The following VPS50 variants were observed in gnomAD, a reference collection of about 807,000 sequenced individuals.
VPS50 encodes the protein syndetin.
Under a neutral mutation model 139.7 loss-of-function variants are expected in VPS50, and 70 were observed. The ratio of observed to expected loss-of-function variants is 0.50; its 90% CI spans 0.41 to 0.61. VPS50 has a LOEUF of 0.61. Among genes scored for constraint, VPS50 ranks in the 20% least tolerant of loss-of-function variants. VPS50 has a pLI of 0.00. For missense variants in VPS50, 921 were observed against 1,133.7 expected (o/e 0.81, Z 2.69); for synonymous variants, 365 against 376.7 (o/e 0.97, Z 0.36).
rs368554612 is a variant in VPS50 at position 93,347,889 on chromosome 7, A to G, written c.2208-822A>G. The stretch of plus-strand genomic sequence containing the variant: ...ATACCTAATGCTAGATGACGAGTTA[A>G]TGGGTGCAGCGCACCAGCATGGCAC... On this transcript the variant is annotated intron_variant, in intron 23 of 27. Transcript: ENST00000305866. 4.6e-5 allele frequency among the ~76,000 whole-genome samples: 7 copies of G among 151,310 alleles called. No individual in the cohort carries two copies. In the East Asian group the frequency reaches 9.9e-4, roughly 21 times the overall value.
chr7:93,343,638 G>A (rs1221899821), intron 23 of VPS50, among the ~76,000 whole-genome samples: 2 of 152,168 alleles, frequency 1.3e-5, no homozygotes, highest in African/African-American at 2.4e-5. Context: ...AGATCTCTCG[G>A]CAGAAACTCT....
intron 24 of VPS50, among the ~76,000 whole-genome samples, chr7:93,349,301 A>G (rs1798492455): frequency 6.6e-6 from 1 of 152,100 alleles, no homozygotes; most frequent in African/African-American, 2.4e-5. Context: ...AGTTGGGAGG[A>G]GGTCTGGGGA....
At chr7:93,274,649 T>A (rs1304450451) in intron 11 of VPS50, among the ~76,000 whole-genome samples, 1 of 152,194 alleles carries the variant, frequency 6.6e-6, no homozygotes, top group Non-Finnish European at 1.5e-5. Flanking sequence ...TCATGCCTGA[T>A]AACAGTCATT....
chr7:93,251,602 C>T (rs758101640), intron 2 of VPS50, among the ~76,000 whole-genome samples: 2 of 152,036 alleles, frequency 1.3e-5, no homozygotes, highest in Non-Finnish European at 2.9e-5. Context: ...ACCACGATGG[C>T]ATGTGTATAC....
At chr7:93,299,550 T>C (rs1796915165) in intron 16 of VPS50, among the ~76,000 whole-genome samples, 1 of 152,186 alleles carries the variant, frequency 6.6e-6, no homozygotes, top group Non-Finnish European at 1.5e-5. Context: ...TGAACCAAAT[T>C]ATTCTGACTT....
chr7:93,255,777 T>C (rs977145583), intron 4 of VPS50, among the ~76,000 whole-genome samples: 3 of 152,206 alleles, frequency 2.0e-5, no homozygotes, highest in Admixed American at 1.3e-4. Context: ...GGGTGTTCAA[T>C]GTTTTGTTCT....
At chr7:93,303,380 A>G (rs1259361014) in intron 16 of VPS50, 80 bp from the exon 17 acceptor site, 2 of 583,734 alleles carry the variant, frequency 3.4e-6, no homozygotes, top group Admixed American at 2.5e-5. Context: ...AATTATTTGT[A>G]TTGTACATTA....
chr7:93,263,678 T>C (rs1426439862), intron 9 of VPS50, among the ~76,000 whole-genome samples: 1 of 152,142 alleles, frequency 6.6e-6, no homozygotes, highest in East Asian at 1.9e-4. Context: ...GGAAAAACAA[T>C]TTACATATTT....
rs1373718044 is a variant in VPS50 at position 93,334,370 on chromosome 7, C to A, written c.2058+173C>A. On this transcript the variant is annotated intron_variant, in intron 22 of 27. Transcript: ENST00000305866. ...TGCTTATAGTCTGATCAGAGAGAAA[C>A]TAGTATACATAAAAGAATATGATAT... 2.0e-5 allele frequency among the ~76,000 whole-genome samples: 3 copies of A among 152,092 alleles called. No individual in the cohort carries two copies. In the East Asian group the frequency reaches 5.8e-4, roughly 29 times the overall value.
intron 2 of VPS50, chr7:93,246,276 T>A: frequency 1.6e-6 from 1 of 641,728 alleles, no homozygotes; most frequent in Non-Finnish European, 2.8e-6. Flanking sequence ...TCCACTTTCC[T>A]TCTCAACACA....
chr7:93,252,646 C>A lies in VPS50; in HGVS notation c.103-7C>A. ...ATTACTATAATTGTGATTTTTTTTT[C>A]TTAAAGGAAGAATTCAGGGAACTTC... On this transcript the variant is annotated splice_polypyrimidine_tract_variant and splice_region_variant and intron_variant, in intron 2 of 27. Coordinates refer to ENST00000305866, the MANE Select transcript of VPS50 (RefSeq NM_017667.4). 1 of 1,565,480 alleles carries A rather than the reference C, an allele frequency of 6.4e-7. No homozygotes were observed. The highest frequency in any genetic ancestry group is 8.7e-7 in the Non-Finnish European group (1 of 1,151,862).
chr7:93,252,550 G>A (rs553320106), intron 2 of VPS50, 103 bp from the exon 3 acceptor site: 19 of 781,812 alleles, frequency 2.4e-5, no homozygotes, highest in African/African-American at 1.3e-4. Flanking sequence ...GGTCAGAATC[G>A]TTCCAGGTAG....
At chr7:93,344,916 C>G (rs1455041006) in intron 23 of VPS50, among the ~76,000 whole-genome samples, 30 of 151,848 alleles carry the variant, frequency 2.0e-4, no homozygotes, top group African/African-American at 5.3e-4. Context: ...ACAATTAAAA[C>G]AACTAGAAAA....
chr7:93,346,475 T>C (rs1231395178), intron 23 of VPS50, among the ~76,000 whole-genome samples: 1 of 152,208 alleles, frequency 6.6e-6, no homozygotes, highest in Non-Finnish European at 1.5e-5. Context: ...AAAAAGCTAC[T>C]TTAAAGTTCA....
intron 12 of VPS50, among the ~76,000 whole-genome samples, chr7:93,287,851 C>T (rs935641660): frequency 5.9e-5 from 9 of 151,966 alleles, no homozygotes; most frequent in Admixed American, 3.3e-4. Context: ...TATTGGCTTT[C>T]GTCATATGTG....
At chr7:93,274,236 G>A (rs766448856) in intron 11 of VPS50, among the ~76,000 whole-genome samples, 8 of 151,988 alleles carry the variant, frequency 5.3e-5, no homozygotes, top group Non-Finnish European at 1.0e-4. Context: ...CAGTGTACAC[G>A]GAACAGCCTT....
chr7:93,344,410 T>C (rs1274260012), intron 23 of VPS50, among the ~76,000 whole-genome samples: 4 of 152,036 alleles, frequency 2.6e-5, no homozygotes, highest in African/African-American at 9.7e-5. Context: ...CTGTCAACAT[T>C]AGACAGATCA....
At chr7:93,247,968 G>A (rs1017703982) in intron 2 of VPS50, among the ~76,000 whole-genome samples, 9 of 151,554 alleles carry the variant, frequency 5.9e-5, no homozygotes, top group African/African-American at 2.2e-4. Context: ...AATACTTTTT[G>A]CTTAGTTGAT....
intron 23 of VPS50, among the ~76,000 whole-genome samples, chr7:93,346,111 A>G (rs144455130): frequency 0.013 from 2,016 of 152,358 alleles, 23 homozygotes; most frequent in Middle Eastern, 0.02. Flanking sequence ...CCTTAAGCTG[A>G]TAAGCAACTT....
Sources: gnomAD v4.1 joint callset for allele counts (sites outside exome capture counted in the v4.1 genomes callset) on GRCh38, gnomAD v4.1.1 for gene constraint, MANE v1.5 for transcripts, NCBI Gene and HGNC (gene_info 2026-07-23, HGNC 2026-07-21) for gene names.